The following UEVLD variants were observed in gnomAD, a reference collection of about 807,000 sequenced individuals.
The protein encoded by UEVLD is UEV and lactate/malate dehyrogenase domains, also known as ubiquitin-conjugating enzyme E2 variant 3.
Under a neutral mutation model 58.6 loss-of-function variants are expected in UEVLD, and 47 were observed. The ratio of observed to expected loss-of-function variants is 0.80; its 90% CI spans 0.63 to 1.02. The LOEUF is 1.02. UEVLD is among the 50% of genes least tolerant of loss of function. The pLI is 0.00. For missense variants in UEVLD, 510 were observed against 550.6 expected, an observed-to-expected ratio of 0.93 and a Z score of 0.74; for synonymous variants, 197 against 195.3, an observed-to-expected ratio of 1.01 and a Z score of -0.07.
intron 9 of UEVLD, among the ~76,000 whole-genome samples, chr11:18,540,785 C>A (rs1489344247): frequency 1.3e-5 from 2 of 152,210 alleles, no homozygotes; most frequent in Admixed American, 6.5e-5. Context: ...TTTTATCCTA[C>A]TTCCCTTGGA....
chr11:18,568,837 C>G (rs1051065436), intron 4 of UEVLD, among the ~76,000 whole-genome samples: 6 of 152,118 alleles, frequency 3.9e-5, no homozygotes, highest in Admixed American at 1.3e-4. Context: ...TTTACTCCAA[C>G]CTCACTGGAC....
At chr11:18,544,150 A>G (rs963827956) in intron 9 of UEVLD, among the ~76,000 whole-genome samples, 1 of 152,226 alleles carries the variant, frequency 6.6e-6, no homozygotes, top group Non-Finnish European at 1.5e-5. Context: ...AGTAATTACA[A>G]CGAGAATGAC....
chr11:18,581,756 T>C (rs1236040623), intron 1 of UEVLD, among the ~76,000 whole-genome samples: 1 of 152,058 alleles, frequency 6.6e-6, no homozygotes. Context: ...AAGAGAAGCC[T>C]GATTATAAAC....
chr11:18,542,685 T>TA (rs1228177110), intron 9 of UEVLD, among the ~76,000 whole-genome samples: 2 of 152,084 alleles, frequency 1.3e-5, no homozygotes, highest in African/African-American at 4.8e-5. Flanking sequence ...CTAACCTAGA[T>TA]ATCATCAATG....
chr11:18,540,586 G>T (rs924234882), intron 9 of UEVLD, among the ~76,000 whole-genome samples: 2 of 152,156 alleles, frequency 1.3e-5, no homozygotes, highest in African/African-American at 4.8e-5. Flanking sequence ...GTTAACTTCA[G>T]TATCAGTAAT....
chr11:18,587,198 A>C (rs1446714134), intron 1 of UEVLD, among the ~76,000 whole-genome samples: 2 of 152,308 alleles, frequency 1.3e-5, no homozygotes, highest in Admixed American at 6.5e-5. Context: ...TCTATGTTTG[A>C]ATCTTAACTT....
rs772114726 is a variant in UEVLD at position 18,558,274 on chromosome 11, C to CGTG, written c.666_668dup (p.Thr223dup). 2 of 1,613,442 alleles carry CGTG rather than the reference C, an allele frequency of 1.2e-6. No individual in the cohort carries two copies. Among genetic ancestry groups the CGTG allele is most frequent in the Non-Finnish European group, 1.7e-6 (2 of 1,179,758 alleles). On this transcript the variant is annotated inframe_insertion, in exon 7 of 12. Transcript: ENST00000396197. ...GAAGGTTGAAGATTTCAAGGTCCAT[C>CGTG]GTGGCTCCTTTAGTCCCTTCTGAGA...
intron 8 of UEVLD, among the ~76,000 whole-genome samples, chr11:18,545,166 G>A (rs1395752336): frequency 7.0e-5 from 10 of 142,688 alleles, no homozygotes; most frequent in South Asian, 2.2e-4. Context: ...TCTGCCTCCC[G>A]GGTTCCAGCA....
chr11:18,581,962 C>G (rs765636862), intron 1 of UEVLD, among the ~76,000 whole-genome samples: 4 of 152,150 alleles, frequency 2.6e-5, no homozygotes, highest in Non-Finnish European at 5.9e-5. Context: ...TCAGTATTAA[C>G]TATAACAGAC....
chr11:18,539,085 T>G (rs1261514016), intron 9 of UEVLD: 1 of 147,536 alleles, frequency 6.8e-6, no homozygotes, highest in Non-Finnish European at 1.5e-5. Context: ...TTTTTTTTTT[T>G]TTTTTTTTTT....
intron 9 of UEVLD, chr11:18,539,074 G>GT (rs59340537): frequency 9.3e-4 from 66 of 71,338 alleles, no homozygotes; most frequent in African/African-American, 1.6e-3. Flanking sequence ...AGTTTTATAA[G>GT]TTTTTTTTTT....
chr11:18,560,710 T>G (rs1851992843), intron 6 of UEVLD, among the ~76,000 whole-genome samples: 2 of 152,078 alleles, frequency 1.3e-5, no homozygotes, highest in Admixed American at 1.3e-4. Context: ...ACCAGGGATT[T>G]TATTAAAATG....
At chr11:18,577,051 C>T (rs1040248867) in intron 2 of UEVLD, among the ~76,000 whole-genome samples, 1 of 152,102 alleles carries the variant, frequency 6.6e-6, no homozygotes, top group African/African-American at 2.4e-5. Context: ...GGCGTGGTGG[C>T]ATGCGCCTGT....
At chr11:18,540,001 G>GT (rs1361708026) in intron 9 of UEVLD, among the ~76,000 whole-genome samples, 1 of 152,138 alleles carries the variant, frequency 6.6e-6, no homozygotes, top group African/African-American at 2.4e-5. Context: ...TATTTTACAT[G>GT]TTTTTTGCCA....
intron 11 of UEVLD, among the ~76,000 whole-genome samples, chr11:18,533,555 G>T (rs1249781954): frequency 6.6e-6 from 1 of 152,066 alleles, no homozygotes; most frequent in Non-Finnish European, 1.5e-5. Context: ...TTGTCTTTCT[G>T]GCACATAAAT....
intron 7 of UEVLD, 137 bp from the exon 8 acceptor site, chr11:18,547,187 CA>C: frequency 1.2e-6 from 1 of 836,454 alleles, no homozygotes; most frequent in Non-Finnish European, 1.8e-6. Context: ...CCCAGATCCA[CA>C]AAAGCATATA....
At chr11:18,546,547 G>C (rs2133978335) in intron 8 of UEVLD, among the ~76,000 whole-genome samples, 1 of 151,452 alleles carries the variant, frequency 6.6e-6, no homozygotes, top group South Asian at 2.1e-4. Flanking sequence ...GGCCAGACTG[G>C]GGTTCAGTGA....
intron 4 of UEVLD, among the ~76,000 whole-genome samples, chr11:18,569,523 T>C (rs536446123): frequency 1.1e-4 from 17 of 152,198 alleles, no homozygotes; most frequent in Non-Finnish European, 1.9e-4. Flanking sequence ...ATATATTAGA[T>C]ATATACAAAC....
At chr11:18,540,019 A>G (rs907720492) in intron 9 of UEVLD, among the ~76,000 whole-genome samples, 1 of 152,136 alleles carries the variant, frequency 6.6e-6, no homozygotes, top group African/African-American at 2.4e-5. Context: ...CCAATTTTCT[A>G]TTCATCACCA....
Sources: allele counts gnomAD v4.1 joint callset (sites outside exome capture counted in the v4.1 genomes callset), GRCh38; gene constraint gnomAD v4.1.1; transcripts MANE v1.5; gene names NCBI Gene and HGNC (gene_info 2026-07-23, HGNC 2026-07-21).